The following VPS13C variants were observed in gnomAD, a reference collection of about 807,000 sequenced individuals.
VPS13C encodes vacuolar protein sorting 13 homolog C.
Under a neutral mutation model 456.8 loss-of-function variants are expected in VPS13C, and 358 were observed. The observed-to-expected ratio is 0.78, with a 90% CI of 0.72 to 0.86. VPS13C has a LOEUF of 0.86. VPS13C is among the 40% of genes least tolerant of loss of function. The probability of loss-of-function intolerance (pLI) is 0.00; values close to 1 mark genes in which losing one functional copy is unlikely to be tolerated. For synonymous variants in VPS13C, 1,578 were observed against 1,486.7 expected (o/e 1.06, Z -1.41); for missense variants, 4,818 against 4,385.4 (o/e 1.10, Z -2.79).
Position 61,972,713 on chromosome 15 carries a change from T to C in VPS13C, c.2669A>G (p.Lys890Arg), listed in dbSNP as rs147289587. 2 of 1,613,262 alleles carry C rather than the reference T, an allele frequency of 1.2e-6. No individual in the cohort carries two copies. The highest frequency in any genetic ancestry group is 1.7e-5 in the Admixed American group (1 of 60,018). ...DAEDGEPQTC[K>R]SMKGSELKKA... ...TTTAAGTTCTGATCCTTTCATACTTTTACAAGTCTGTGGTTCTCCATCTTC... is the reference window on the plus strand; with the variant it reads ...TTTAAGTTCTGATCCTTTCATACTTCTACAAGTCTGTGGTTCTCCATCTTC... Residue 890 changes from lysine to arginine, a missense_variant, in exon 27 of 85, where the codon AAA (lysine) becomes AGA (arginine). Physicochemically the swap from Lys to Arg is conservative, Grantham distance 26. Around this residue, in one of 3 missense-constraint regions of VPS13C, gnomAD observed 4,552 missense variants for 4,130.6 expected, o/e 1.10. Coordinates refer to ENST00000644861, the MANE Select transcript of VPS13C (RefSeq NM_020821.3).
At chr15:61,868,311 T>G (rs374773866) in intron 81 of VPS13C, among the ~76,000 whole-genome samples, 1 of 152,076 alleles carries the variant, frequency 6.6e-6, no homozygotes, top group African/African-American at 2.4e-5. Flanking sequence ...ATTAATTTGG[T>G]TGGGAGAAAT....
intron 24 of VPS13C, among the ~76,000 whole-genome samples, chr15:61,975,588 T>C (rs1435502826): frequency 1.3e-5 from 2 of 152,090 alleles, no homozygotes; most frequent in African/African-American, 2.4e-5. Flanking sequence ...TACAGAAGAA[T>C]AGATAATCTA....
chr15:61,880,326 G>T (rs1172175939), intron 73 of VPS13C, among the ~76,000 whole-genome samples: 1 of 152,040 alleles, frequency 6.6e-6, no homozygotes, highest in Admixed American at 6.6e-5. Flanking sequence ...AACATTAAAC[G>T]TTGGCAAGCA....
At chr15:61,981,946 A>G (rs1200223060) in intron 21 of VPS13C, among the ~76,000 whole-genome samples, 1 of 152,222 alleles carries the variant, frequency 6.6e-6, no homozygotes, top group East Asian at 1.9e-4. Flanking sequence ...TAGATTCTCA[A>G]TTCAGCATGT....
intron 50 of VPS13C, 120 bp from the exon 51 acceptor site, chr15:61,929,868 A>G: frequency 1.0e-6 from 1 of 996,886 alleles, no homozygotes; most frequent in Non-Finnish European, 1.4e-6. Context: ...TGTATAGAAA[A>G]CAGGTCAACA....
intron 37 of VPS13C, among the ~76,000 whole-genome samples, chr15:61,957,734 G>C (rs2045054848): frequency 6.6e-6 from 1 of 152,060 alleles, no homozygotes; most frequent in South Asian, 2.1e-4. Context: ...ATACATACTT[G>C]TAAAAGTATA....
At chr15:62,041,562 A>T (rs551930739) in intron 2 of VPS13C, among the ~76,000 whole-genome samples, 196 bp from the exon 3 acceptor site, 1 of 152,322 alleles carries the variant, frequency 6.6e-6, no homozygotes, top group Non-Finnish European at 1.5e-5. Flanking sequence ...TCACACCTGT[A>T]ATCCCAGCAC....
At chr15:61,877,149 C>A in intron 74 of VPS13C, 95 bp from the exon 75 acceptor site, 1 of 828,152 alleles carries the variant, frequency 1.2e-6, no homozygotes, top group Non-Finnish European at 1.8e-6. Context: ...TAATCATAGC[C>A]AATTCTTTCA....
In VPS13C at chr15:61,915,742, G is replaced by A; in HGVS notation, c.8336C>T (p.Thr2779Ile). The change falls in exon 61 of 85, where the codon ACC becomes ATC. Residue 2779 changes from threonine to isoleucine, a missense_variant. Transcript: ENST00000644861. The stretch of plus-strand genomic sequence containing the variant: ...TTCTGAACGATACTGGAGAACCCGG[G>A]TAGTCTTGTTGATTAACCAATAGGG... The part of the protein sequence containing the change: ...FSPYWLINKT[T>I]RVLQYRSEDI... 6.2e-7 allele frequency: 1 copy of A among 1,614,154 alleles called. No homozygotes were observed. The highest frequency in any genetic ancestry group is 2.2e-5 in the East Asian group (1 of 44,884).
intron 44 of VPS13C, 29 bp downstream of exon 44, chr15:61,946,278 T>A: frequency 6.6e-7 from 1 of 1,515,880 alleles, no homozygotes; most frequent in Non-Finnish European, 9.0e-7. Context: ...CAAAATAAAT[T>A]CCAATATAAA....
rs77849623 is a variant in VPS13C at position 61,996,631 on chromosome 15, A to G, written c.1353+3933T>C. Among the ~76,000 whole-genome samples the G allele has an allele frequency of 2.6e-5, 4 of 152,224 alleles. No individual in the cohort carries two copies. The East Asian group carries it at 7.7e-4, about 29-fold the overall frequency. On this transcript the variant is annotated intron_variant, in intron 16 of 84. Transcript: ENST00000644861. ...GGCAAACACACTGGAAATTACTAAA[A>G]AGATTGGAATCTTCAATAGAGAAAT...
intron 58 of VPS13C, 21 bp from the exon 59 acceptor site, chr15:61,918,278 C>A: frequency 1.7e-5 from 26 of 1,507,140 alleles, no homozygotes; most frequent in Admixed American, 7.2e-5. Context: ...AAAAAAAATA[C>A]AAGTTTTTTA....
intron 15 of VPS13C, among the ~76,000 whole-genome samples, chr15:62,005,572 G>A (rs1394907113): frequency 1.3e-5 from 2 of 150,684 alleles, no homozygotes; most frequent in Non-Finnish European, 2.9e-5. Context: ...GATGTTAGCT[G>A]GTGATTTTGC....
chr15:61,943,395 G>C (rs575836725), intron 45 of VPS13C, among the ~76,000 whole-genome samples: 29 of 152,192 alleles, frequency 1.9e-4, no homozygotes, highest in African/African-American at 6.7e-4. Flanking sequence ...AACCCAAACA[G>C]CATGGTACTG....
intron 47 of VPS13C, 102 bp downstream of exon 47, chr15:61,940,545 T>C (rs1310293131): frequency 8.5e-7 from 1 of 1,170,772 alleles, no homozygotes; most frequent in East Asian, 2.5e-5. Flanking sequence ...GCTTTATCAA[T>C]AACGTAGCAA....
At chr15:61,957,583 G>A (rs368844594) in intron 37 of VPS13C, among the ~76,000 whole-genome samples, 6 of 152,042 alleles carry the variant, frequency 3.9e-5, no homozygotes, top group Non-Finnish European at 5.9e-5. Flanking sequence ...ACAACCTGGT[G>A]GGAGTGCAGG....
chr15:62,039,137 T>C (rs760983798), intron 3 of VPS13C, among the ~76,000 whole-genome samples: 1 of 152,186 alleles, frequency 6.6e-6, no homozygotes, highest in Non-Finnish European at 1.5e-5. Context: ...TGCACTCATA[T>C]GTTTATCACA....
rs377505349 is a variant in VPS13C, at chr15:61,988,074, C to T, written c.1578+2926G>A. The stretch of plus-strand genomic sequence containing the variant: ...AAAAGGAACAATCTACAGACACATA[C>T]TCAACATGGATGAATATCAAAAATA... On this transcript the variant is annotated intron_variant, in intron 18 of 84. Transcript: ENST00000644861. 3.9e-5 allele frequency among the ~76,000 whole-genome samples: 6 copies of T among 152,232 alleles called. No individual in the cohort carries two copies. In the East Asian group the frequency reaches 9.6e-4, roughly 24 times the overall value.
chr15:62,001,733 T>G (rs1027562258), intron 15 of VPS13C, among the ~76,000 whole-genome samples: 1 of 152,298 alleles, frequency 6.6e-6, no homozygotes, highest in Non-Finnish European at 1.5e-5. Flanking sequence ...GTGTTCTCAT[T>G]GTTCAGTTCC....
Sources: gnomAD v4.1 joint callset for allele counts (sites outside exome capture counted in the v4.1 genomes callset) on GRCh38, gnomAD v4.1.1 for gene constraint, gnomAD v4.1.1 regional missense constraint, MANE v1.5 for transcripts, NCBI Gene and HGNC (gene_info 2026-07-23, HGNC 2026-07-21) for gene names.